The following BCO1 variants were observed in gnomAD, a reference collection of about 807,000 sequenced individuals.
The protein encoded by BCO1 is beta,beta-carotene 15,15'-dioxygenase.
A neutral mutation model predicts 56.3 loss-of-function variants in BCO1; 54 were observed. That is an observed-to-expected ratio of 0.96 (90% CI 0.77 to 1.20). The LOEUF is 1.20. Among genes scored for constraint, BCO1 ranks in the 50% most tolerant of loss-of-function variants. The probability of loss-of-function intolerance (pLI) is 0.00; values close to 1 mark genes in which losing one functional copy is unlikely to be tolerated. For missense variants in BCO1, 801 were observed against 690.9 expected, an observed-to-expected ratio of 1.16 and a Z score of -1.79; for synonymous variants, 318 against 266.1, an observed-to-expected ratio of 1.20 and a Z score of -1.90.
chr16:81,289,622 C>CAG (rs1908355351), intron 10 of BCO1, among the ~76,000 whole-genome samples: 1 of 152,188 alleles, frequency 6.6e-6, no homozygotes, highest in Non-Finnish European at 1.5e-5. Flanking sequence ...GCCTGGGCAA[C>CAG]AGAGTAAGAC....
At chr16:81,280,227 C>A (rs1907787801) in intron 7 of BCO1, among the ~76,000 whole-genome samples, 1 of 136,336 alleles carries the variant, frequency 7.3e-6, no homozygotes, top group Admixed American at 8.2e-5. Context: ...CACACCACTG[C>A]ACTCCGGACT....
chr16:81,248,370 T>C (rs1227159878), intron 2 of BCO1, among the ~76,000 whole-genome samples: 1 of 123,606 alleles, frequency 8.1e-6, no homozygotes, highest in Admixed American at 1.0e-4. Flanking sequence ...ACCATTGCAC[T>C]CCAGCCTGGG....
intron 1 of BCO1, among the ~76,000 whole-genome samples, chr16:81,244,630 C>G (rs190038163): frequency 1.2e-4 from 18 of 152,180 alleles, no homozygotes; most frequent in Admixed American, 2.6e-4. Context: ...CTCTAGGAAG[C>G]TGACCACACC....
chr16:81,282,943 G>C (rs956766817), intron 8 of BCO1, among the ~76,000 whole-genome samples: 2 of 152,160 alleles, frequency 1.3e-5, no homozygotes, highest in Non-Finnish European at 2.9e-5. Context: ...TTAGTGTGGG[G>C]TCTGGCCTAT....
At chr16:81,245,740 G>T (rs746474225) in intron 2 of BCO1, 137 bp downstream of exon 2, 44 of 1,089,114 alleles carry the variant, frequency 4.0e-5, no homozygotes, top group Non-Finnish European at 5.6e-5. Context: ...TGAAATCAAG[G>T]TGTTCATAGG....
chr16:81,241,360 G>A (rs1905099178), intron 1 of BCO1, among the ~76,000 whole-genome samples: 1 of 152,016 alleles, frequency 6.6e-6, no homozygotes, highest in Admixed American at 6.6e-5. Flanking sequence ...TTCGTGCCCT[G>A]GAATATTTTG....
intron 2 of BCO1, among the ~76,000 whole-genome samples, chr16:81,257,818 T>C (rs1458322077): frequency 6.7e-6 from 1 of 149,674 alleles, no homozygotes. Context: ...AGGCTGAGCT[T>C]GCAGTGAGCC....
At chr16:81,259,545 G>C (rs1229209301) in intron 2 of BCO1, 131 bp from the exon 3 acceptor site, 6 of 933,012 alleles carry the variant, frequency 6.4e-6, no homozygotes, top group Middle Eastern at 2.2e-4. Flanking sequence ...TATCGGCCCT[G>C]TGTACTAAAG....
intron 7 of BCO1, among the ~76,000 whole-genome samples, chr16:81,277,566 C>A (rs549908679): frequency 6.6e-6 from 1 of 152,260 alleles, no homozygotes; most frequent in South Asian, 2.1e-4. Flanking sequence ...TGAATCACCA[C>A]CCCGATTTTA....
chr16:81,249,097 T>TTA (rs1183215264), intron 2 of BCO1, among the ~76,000 whole-genome samples: 11 of 148,754 alleles, frequency 7.4e-5, no homozygotes. Context: ...TCTTTCTTTT[T>TTA]TTTTTTTTTT....
chr16:81,270,680 C>G (rs1214243567), intron 7 of BCO1, among the ~76,000 whole-genome samples: 1 of 93,146 alleles, frequency 1.1e-5, no homozygotes, highest in Non-Finnish European at 2.3e-5. Context: ...CTCCCAGTCT[C>G]TCTCTCTGTG....
chr16:81,259,786 T>G lies in BCO1; in HGVS notation c.304T>G (p.Cys102Gly). The G allele has an allele frequency of 6.2e-7, 1 of 1,614,208 alleles. No homozygotes were observed. The highest frequency in any genetic ancestry group is 8.5e-7 in the Non-Finnish European group (1 of 1,180,018). ...EFGTMAYPDP[C>G]KNIFSKAFSY... The stretch of plus-strand genomic sequence containing the variant: ...TGGAACAATGGCCTATCCGGACCCC[T>G]GCAAAAACATATTTTCCAAGTAACT... Residue 102 changes from cysteine (C) to glycine (G), a missense_variant, in exon 3 of 11, where the codon TGC (cysteine) becomes GGC (glycine). Coordinates refer to ENST00000258168, the MANE Select transcript of BCO1 (RefSeq NM_017429.3).
At chr16:81,260,180 G>A (rs549908833) in intron 3 of BCO1, among the ~76,000 whole-genome samples, 129 of 152,160 alleles carry the variant, frequency 8.5e-4, no homozygotes, top group African/African-American at 3.0e-3. Context: ...CAACCCAAAT[G>A]TTCATTAAAA....
At chr16:81,284,281 TAA>T (rs202196188) in intron 8 of BCO1, among the ~76,000 whole-genome samples, 1 of 840 alleles carries the variant, frequency 1.2e-3, no homozygotes, top group African/African-American at 1.9e-3. Context: ...TATTTATATA[TAA>T]ATATATATTT....
chr16:81,247,596 A>T (rs1905500995), intron 2 of BCO1, among the ~76,000 whole-genome samples: 1 of 151,908 alleles, frequency 6.6e-6, no homozygotes, highest in Non-Finnish European at 1.5e-5. Flanking sequence ...GTGCAATCTC[A>T]GCTCACCACA....
chr16:81,256,690 C>A lies in BCO1; in HGVS notation c.194-2986C>A, dbSNP rs115393104. 3.8e-3 allele frequency among the ~76,000 whole-genome samples: 580 copies of A among 152,182 alleles called. 7 individuals are homozygous for A. The highest frequency in any genetic ancestry group is 0.013 in the African/African-American group (551 of 41,510). On this transcript the variant is annotated intron_variant, in intron 2 of 10. Coordinates refer to ENST00000258168, the MANE Select transcript of BCO1 (RefSeq NM_017429.3). ...TTCACCCGAGCTTAGGAGTTTGAGA[C>A]CAGCCCGGCCAACAGAGTAAAACCT...
In BCO1 at chr16:81,275,308, C is replaced by T. The variant is rs189380398; in HGVS notation, c.1101+4892C>T. 1.2e-3 allele frequency among the ~76,000 whole-genome samples: 188 copies of T among 152,334 alleles called. 1 individual carries two copies. Among genetic ancestry groups the T allele is most frequent in the Admixed American group, 0.012 (187 of 15,298 alleles). On this transcript the variant is annotated intron_variant, in intron 7 of 10. Transcript: ENST00000258168. ...CTGCACATTGGGATCCCCTGGAGAG[C>T]CCTGAGACCCCCATGTCCGGGCCTT...
At chr16:81,262,391 C>A in intron 4 of BCO1, 108 bp downstream of exon 4, 1 of 1,208,090 alleles carries the variant, frequency 8.3e-7, no homozygotes, top group South Asian at 1.2e-5. Flanking sequence ...AGGGGAGCCC[C>A]TCCTCTAACA....
chr16:81,261,959 G>A, intron 3 of BCO1, 177 bp from the exon 4 acceptor site: 1 of 696,254 alleles, frequency 1.4e-6, no homozygotes, highest in East Asian at 2.8e-5. Context: ...GGCCAGGATG[G>A]TCTCAATCTC....
Sources: gnomAD v4.1 joint callset for allele counts (sites outside exome capture counted in the v4.1 genomes callset) on GRCh38, gnomAD v4.1.1 for gene constraint, MANE v1.5 for transcripts, NCBI Gene and HGNC (gene_info 2026-07-23, HGNC 2026-07-21) for gene names.